TXLNG: variants seen among roughly 807,000 people sequenced by gnomAD.
TXLNG encodes the protein gamma-taxilin.
TXLNG carries 5 observed loss-of-function variants against 38.8 expected under a neutral mutation model. The observed-to-expected ratio is 0.13, with a 90% CI of 0.07 to 0.27. TXLNG has a LOEUF of 0.27. Ranked by LOEUF, TXLNG falls within the 10% of genes least tolerant of loss-of-function variation. TXLNG has a pLI of 1.00. For synonymous variants in TXLNG, 182 were observed against 158.2 expected, an observed-to-expected ratio of 1.15 and a Z score of -1.13; for missense variants, 393 against 398.2, an observed-to-expected ratio of 0.99 and a Z score of 0.11.
intron 5 of TXLNG, among the ~76,000 whole-genome samples, chrX:16,830,729 G>A (rs187179735): frequency 1.8e-3 from 191 of 104,164 alleles, no homozygotes; most frequent in African/African-American, 6.5e-3. Context: ...TTTTCTTACT[G>A]CCTTTTGTTT....
chrX:16,833,114 G>C (rs1401505289), intron 6 of TXLNG, among the ~76,000 whole-genome samples: 1 of 111,985 alleles, frequency 8.9e-6, no homozygotes, highest in African/African-American at 3.2e-5. Context: ...GTTAAATTTG[G>C]TGATTCAGTT....
rs1927496948 is a variant in TXLNG at position 16,786,683 on chromosome X, A to G, written c.102+94A>G. 9 of 484,553 alleles carry G rather than the reference A, an allele frequency of 1.9e-5. No homozygotes were observed. In the East Asian group the frequency reaches 8.7e-4, roughly 47 times the overall value. 39.9% of individuals were successfully genotyped at this position (484,553 alleles called of 1,213,427 possible). A position where few individuals can be genotyped will look rare whatever the true frequency, so the allele number is the denominator to read the frequency against. On this transcript the variant is annotated intron_variant, in intron 1 of 9. Transcript: ENST00000380122. The stretch of plus-strand genomic sequence containing the variant: ...ACCTCTTCTCTCTCCCTGGTTACCT[A>G]TAGCCACGGGACGAACATCCGGTCT...
chrX:16,794,260 T>C (rs1927801722), intron 1 of TXLNG, among the ~76,000 whole-genome samples: 1 of 112,161 alleles, frequency 8.9e-6, no homozygotes, highest in Non-Finnish European at 1.9e-5. Flanking sequence ...CAAAACATGC[T>C]GGTAGATAAA....
At chrX:16,840,787 TCTC>T (rs1929775045) in intron 9 of TXLNG, among the ~76,000 whole-genome samples, 1 of 110,912 alleles carries the variant, frequency 9.0e-6, no homozygotes, top group Admixed American at 9.6e-5. Flanking sequence ...ACAACAAACT[TCTC>T]ATCTAAAAAT....
chrX:16,798,116 G>C (rs1927953130), intron 1 of TXLNG, among the ~76,000 whole-genome samples: 1 of 112,093 alleles, frequency 8.9e-6, no homozygotes, highest in Admixed American at 9.5e-5. Context: ...TGTCAAATGG[G>C]TCTCTTTTCC....
intron 9 of TXLNG, 98 bp from the exon 10 acceptor site, chrX:16,841,330 C>T (rs1336116021): frequency 4.2e-6 from 3 of 719,422 alleles, no homozygotes; most frequent in Non-Finnish European, 4.1e-6. Context: ...GAACATGTTC[C>T]ATAGGTGAGA....
At chrX:16,828,304 T>TA (rs1448584705) in intron 4 of TXLNG, 40 bp downstream of exon 4, 4 of 1,132,006 alleles carry the variant, frequency 3.5e-6, no homozygotes, top group Non-Finnish European at 4.8e-6. Flanking sequence ...AGGAGGGACT[T>TA]ATCTGATTTC....
intron 1 of TXLNG, among the ~76,000 whole-genome samples, chrX:16,792,009 A>C (rs905651450): frequency 8.9e-6 from 1 of 112,600 alleles, no homozygotes; most frequent in Non-Finnish European, 1.9e-5. Flanking sequence ...TCTTCACAAG[A>C]TTCACTATAA....
intron 6 of TXLNG, among the ~76,000 whole-genome samples, chrX:16,833,823 C>T (rs757886793): frequency 2.7e-5 from 3 of 111,755 alleles, no homozygotes; most frequent in South Asian, 3.7e-4. Context: ...ACCCCCTCCC[C>T]GCTTTCTAAA....
intron 5 of TXLNG, among the ~76,000 whole-genome samples, chrX:16,830,885 GTA>G (rs1167798469): frequency 0.011 from 936 of 88,627 alleles, 73 homozygotes; most frequent in African/African-American, 0.028. Flanking sequence ...GTGTGTGTGT[GTA>G]TAGAGACAGT....
At chrX:16,817,436 T>C (rs1343959960) in intron 1 of TXLNG, among the ~76,000 whole-genome samples, 1 of 112,467 alleles carries the variant, frequency 8.9e-6, no homozygotes, top group Non-Finnish European at 1.9e-5. Context: ...CCCTCCTACT[T>C]TGATATTTTG....
At chrX:16,833,235 T>C (rs1929476752) in intron 6 of TXLNG, among the ~76,000 whole-genome samples, 1 of 112,568 alleles carries the variant, frequency 8.9e-6, no homozygotes, top group Admixed American at 9.4e-5. Flanking sequence ...GGTATAATTT[T>C]CTGATAAAAT....
intron 1 of TXLNG, among the ~76,000 whole-genome samples, chrX:16,789,351 C>T (rs1927621913): frequency 9.0e-6 from 1 of 110,636 alleles, no homozygotes; most frequent in Non-Finnish European, 1.9e-5. Flanking sequence ...GGTAATGTTA[C>T]AGTACATTAC....
At chrX:16,805,417 T>TA (rs1005093664) in intron 1 of TXLNG, among the ~76,000 whole-genome samples, 1 of 99,671 alleles carries the variant, frequency 1.0e-5, no homozygotes, top group East Asian at 2.9e-4. Context: ...TTCATAAAAA[T>TA]AAAAAAACCA....
intron 2 of TXLNG, among the ~76,000 whole-genome samples, chrX:16,819,237 G>A (rs777103522): frequency 1.8e-5 from 2 of 110,374 alleles, no homozygotes; most frequent in African/African-American, 3.3e-5. Flanking sequence ...CACTGTGCCC[G>A]GCCACATTGC....
intron 1 of TXLNG, among the ~76,000 whole-genome samples, chrX:16,802,127 G>A (rs776721243): frequency 1.0e-5 from 1 of 96,430 alleles, no homozygotes; most frequent in African/African-American, 3.8e-5. Context: ...CTAATTTTTT[G>A]TGTGTTTTTA....
Position 16,822,517 on chromosome X carries a change from C to T in TXLNG, c.498+2262C>T, listed in dbSNP as rs142405765. 2.8e-4 allele frequency among the ~76,000 whole-genome samples: 31 copies of T among 111,693 alleles called. No homozygotes were observed. The East Asian group carries it at 7.6e-3, about 27-fold the overall frequency. ...AATGCAAAGATGGCCGAAAACACAG[C>T]GTGGTTGGATTGATGGCTTCAGGAA... On this transcript the variant is annotated intron_variant, in intron 3 of 9. Transcript: ENST00000380122.
chrX:16,834,158 C>T, intron 6 of TXLNG, 125 bp from the exon 7 acceptor site: 1 of 495,849 alleles, frequency 2.0e-6, no homozygotes, highest in Non-Finnish European at 3.4e-6. Context: ...GTGGAACAGA[C>T]TGTTTCATCT....
At position 16,786,498 on chromosome X, in the gene TXLNG, G is replaced by A. The variant is rs1406846626; in HGVS notation, c.11G>A (p.Arg4Gln). 2 of 1,113,621 alleles carry A rather than the reference G, an allele frequency of 1.8e-6. No individual in the cohort carries two copies. Among genetic ancestry groups the A allele is most frequent in the East Asian group, 3.8e-5 (1 of 26,107 alleles). The allele number at this position is 1,113,621 out of a possible 1,213,427, so 91.8% of individuals were successfully genotyped here. ...TGCTGCCGTCACCTCATGGCGACGC[G>A]GGTAGAGGAGGCAGCGCGGGGAAGA... MAT[R>Q]VEEAARGRGG... The change falls in exon 1 of 10, where the codon CGG (arginine) becomes CAG (glutamine). Residue 4 changes from arginine (R) to glutamine (Q), a missense_variant. Physicochemically the swap from Arg to Gln is conservative, Grantham distance 43. Coordinates refer to ENST00000380122, the MANE Select transcript of TXLNG (RefSeq NM_018360.3).
Sources: gnomAD v4.1 joint callset for allele counts (sites outside exome capture counted in the v4.1 genomes callset) on GRCh38, gnomAD v4.1.1 for gene constraint, MANE v1.5 for transcripts, NCBI Gene and HGNC (gene_info 2026-07-23, HGNC 2026-07-21) for gene names.